SS18: variants seen among roughly 807,000 people sequenced by gnomAD.
The protein encoded by SS18 is SS18 subunit of BAF chromatin remodeling complex, also known as protein SSXT.
SS18 carries 28 observed loss-of-function variants against 72.5 expected under a neutral mutation model. The observed-to-expected ratio is 0.39, with a 90% confidence interval of 0.29 to 0.53. SS18 has a LOEUF of 0.53. SS18 is among the 20% of genes least tolerant of loss of function. SS18 has a pLI of 0.76. For synonymous variants in SS18, 172 were observed against 164.2 expected (o/e 1.05, Z -0.37); for missense variants, 518 against 535.3 (o/e 0.97, Z 0.32).
chr18:26,066,600 G>GCACACACACACACACACA (rs35011668), intron 3 of SS18, among the ~76,000 whole-genome samples: 20 of 144,434 alleles, frequency 1.4e-4, no homozygotes, highest in African/African-American at 4.4e-4. Flanking sequence ...GGAAATTTGT[G>GCACACACACACACACACA]CACACACACA....
chr18:26,076,049 T>G (rs969722494), intron 3 of SS18, among the ~76,000 whole-genome samples: 1 of 151,852 alleles, frequency 6.6e-6, no homozygotes, highest in Admixed American at 6.6e-5. Context: ...TCATAAAACT[T>G]CATTGACAGA....
chr18:26,068,056 G>A (rs2054250238), intron 3 of SS18, among the ~76,000 whole-genome samples: 1 of 152,118 alleles, frequency 6.6e-6, no homozygotes, highest in Non-Finnish European at 1.5e-5. Context: ...AGCTCAGGCG[G>A]TAATGCTCTC....
intron 3 of SS18, among the ~76,000 whole-genome samples, chr18:26,065,401 T>C (rs2054194386): frequency 6.6e-6 from 1 of 152,098 alleles, no homozygotes; most frequent in Non-Finnish European, 1.5e-5. Context: ...ACATATACTG[T>C]CACAACGAAA....
At chr18:26,062,478 T>C (rs2054140847) in intron 3 of SS18, among the ~76,000 whole-genome samples, 1 of 151,916 alleles carries the variant, frequency 6.6e-6, no homozygotes, top group Non-Finnish European at 1.5e-5. Context: ...ATAGAAAAAA[T>C]TATGCTTGAT....
At chr18:26,058,317 C>T (rs1472288927) in intron 3 of SS18, among the ~76,000 whole-genome samples, 1 of 152,202 alleles carries the variant, frequency 6.6e-6, no homozygotes, top group East Asian at 1.9e-4. Flanking sequence ...AAAGGATGCC[C>T]TTGGCAAATT....
intron 10 of SS18, among the ~76,000 whole-genome samples, chr18:26,024,105 G>T (rs1230764708): frequency 6.6e-6 from 1 of 152,070 alleles, no homozygotes; most frequent in Non-Finnish European, 1.5e-5. Flanking sequence ...TCCACATATT[G>T]TATGATTCCA....
chr18:26,067,805 T>TACTG (rs56739741), intron 3 of SS18, among the ~76,000 whole-genome samples: 3,071 of 152,264 alleles, frequency 0.02, 91 homozygotes, highest in African/African-American at 0.07. Flanking sequence ...AAAAGACCAG[T>TACTG]GGTCCCCAAC....
chr18:26,082,917 C>G (rs1465302151), intron 2 of SS18, among the ~76,000 whole-genome samples: 1 of 152,022 alleles, frequency 6.6e-6, no homozygotes, highest in African/African-American at 2.4e-5. Flanking sequence ...GTTATCACAT[C>G]TTAAGGAGTT....
chr18:26,026,068 C>T (rs1248214944), intron 10 of SS18, among the ~76,000 whole-genome samples: 1 of 152,150 alleles, frequency 6.6e-6, no homozygotes, highest in Non-Finnish European at 1.5e-5. Flanking sequence ...AAATACACAT[C>T]ACTTTTCACA....
chr18:26,037,941 C>CA (rs2053653071), intron 7 of SS18, among the ~76,000 whole-genome samples: 2 of 151,694 alleles, frequency 1.3e-5, no homozygotes, highest in Non-Finnish European at 2.9e-5. Context: ...CCACTTTCTA[C>CA]AAAAAAACAA....
intron 10 of SS18, among the ~76,000 whole-genome samples, chr18:26,030,514 T>A (rs2053526276): frequency 1.3e-5 from 2 of 152,360 alleles, no homozygotes; most frequent in South Asian, 4.1e-4. Flanking sequence ...AGTCCACGTC[T>A]ATCTTATTTC....
intron 10 of SS18, among the ~76,000 whole-genome samples, chr18:26,022,822 C>T (rs2053376154): frequency 6.6e-6 from 1 of 152,134 alleles, no homozygotes; most frequent in African/African-American, 2.4e-5. Flanking sequence ...GCAAGAAACA[C>T]CCAAAAGGAT....
intron 9 of SS18, among the ~76,000 whole-genome samples, chr18:26,032,847 T>C (rs1410594495): frequency 6.6e-6 from 1 of 152,132 alleles, no homozygotes; most frequent in Non-Finnish European, 1.5e-5. Flanking sequence ...AATTAATCAA[T>C]ACGTCTGATA....
intron 2 of SS18, among the ~76,000 whole-genome samples, chr18:26,082,070 CA>C (rs1025031587): frequency 3.7e-4 from 54 of 145,518 alleles, no homozygotes; most frequent in African/African-American, 1.2e-3. Context: ...AAAAACAAAA[CA>C]AAAAAAAAGA....
intron 3 of SS18, among the ~76,000 whole-genome samples, chr18:26,059,472 C>G (rs977447534): frequency 6.6e-6 from 1 of 152,284 alleles, no homozygotes; most frequent in African/African-American, 2.4e-5. Flanking sequence ...GAAAACTAGT[C>G]GAAATAGCAG....
intron 3 of SS18, among the ~76,000 whole-genome samples, chr18:26,060,769 AC>A (rs2054104996): frequency 3.9e-5 from 4 of 102,350 alleles, no homozygotes; most frequent in Admixed American, 3.4e-4. Context: ...TACTAAAAAT[AC>A]CAAAAAAAAA....
At chr18:26,067,031 TAAAGG>T (rs1446564030) in intron 3 of SS18, among the ~76,000 whole-genome samples, 4 of 152,232 alleles carry the variant, frequency 2.6e-5, no homozygotes, top group African/African-American at 7.2e-5. Flanking sequence ...TATACATTCT[TAAAGG>T]AATCAATTAT....
chr18:26,074,450 A>G (rs1598603450), intron 3 of SS18, among the ~76,000 whole-genome samples: 1 of 152,080 alleles, frequency 6.6e-6, no homozygotes, highest in East Asian at 1.9e-4. Context: ...TACAACCGAA[A>G]CAAGATACTA....
intron 4 of SS18, among the ~76,000 whole-genome samples, chr18:26,053,758 G>A (rs2053964423): frequency 2.0e-5 from 3 of 152,084 alleles, no homozygotes; most frequent in Admixed American, 1.3e-4. Flanking sequence ...CTATGAGACC[G>A]AACTTTCACC....
Sources: allele counts gnomAD v4.1 joint callset (sites outside exome capture counted in the v4.1 genomes callset), GRCh38; gene constraint gnomAD v4.1.1; transcripts MANE v1.5; gene names NCBI Gene and HGNC (gene_info 2026-07-23, HGNC 2026-07-21).